Variants in ZBTB7C observed in about 807,000 individuals in gnomAD.
ZBTB7C encodes zinc finger and BTB domain containing 7C, also known as zinc finger and BTB domain-containing protein 7C.
In ZBTB7C, 8 loss-of-function variants were observed where a neutral mutation model predicts 25.7. The ratio of observed to expected loss-of-function variants is 0.31; its 90% CI spans 0.18 to 0.56. ZBTB7C has a LOEUF of 0.56. Among genes scored for constraint, ZBTB7C ranks in the 20% least tolerant of loss-of-function variants. The pLI, the probability that ZBTB7C is intolerant of heterozygous loss-of-function variation, is 0.91. For missense variants in ZBTB7C, 824 were observed against 855.2 expected (o/e 0.96, Z 0.46); for synonymous variants, 394 against 369.0 (o/e 1.07, Z -0.78).
chr18:48,365,959 G>C (rs2047213064), intron 1 of ZBTB7C, among the ~76,000 whole-genome samples: 1 of 152,162 alleles, frequency 6.6e-6, no homozygotes, highest in South Asian at 2.1e-4. Context: ...CTATTATCAG[G>C]GGGCAAGACT....
intron 2 of ZBTB7C, among the ~76,000 whole-genome samples, chr18:48,208,989 A>C (rs2042641790): frequency 1.3e-5 from 2 of 152,246 alleles, no homozygotes; most frequent in South Asian, 4.1e-4. Context: ...AATAAAGTCG[A>C]AAAAGTAACA....
At chr18:48,265,540 A>T (rs76800297) in intron 2 of ZBTB7C, among the ~76,000 whole-genome samples, 3,769 of 152,292 alleles carry the variant, frequency 0.025, 165 homozygotes, top group African/African-American at 0.086. Flanking sequence ...GAACTAAATG[A>T]CATCATGCAG....
chr18:48,107,249 G>T (rs1448278859), intron 3 of ZBTB7C, among the ~76,000 whole-genome samples: 2 of 151,642 alleles, frequency 1.3e-5, no homozygotes, highest in Non-Finnish European at 2.9e-5. Flanking sequence ...GGTTAGGAAG[G>T]TTCAGGAGGA....
At chr18:48,094,618 T>A (rs1292294060) in intron 3 of ZBTB7C, among the ~76,000 whole-genome samples, 2 of 152,164 alleles carry the variant, frequency 1.3e-5, no homozygotes, top group Non-Finnish European at 2.9e-5. Context: ...AGAGGACATT[T>A]TTTTTTCTCC....
chr18:48,294,154 G>C (rs1307726378), intron 2 of ZBTB7C, among the ~76,000 whole-genome samples: 2 of 152,250 alleles, frequency 1.3e-5, no homozygotes, highest in Non-Finnish European at 2.9e-5. Context: ...CATTAGCAGA[G>C]GCTTGGAGAG....
chr18:48,092,860 T>C (rs996780621), intron 3 of ZBTB7C, among the ~76,000 whole-genome samples: 10 of 152,234 alleles, frequency 6.6e-5, no homozygotes, highest in African/African-American at 2.4e-4. Flanking sequence ...TGATTAACTC[T>C]AGGTTTTTAT....
intron 2 of ZBTB7C, among the ~76,000 whole-genome samples, chr18:48,197,295 T>C (rs1054900639): frequency 1.3e-5 from 2 of 152,170 alleles, no homozygotes; most frequent in African/African-American, 4.8e-5. Context: ...CCTAAGTCAA[T>C]AAATTACTTT....
intron 4 of ZBTB7C, among the ~76,000 whole-genome samples, chr18:48,034,661 G>T (rs2035897879): frequency 6.6e-6 from 1 of 152,148 alleles, no homozygotes; most frequent in Admixed American, 6.5e-5. Context: ...TGCGCGTTTG[G>T]TGACTGACTA....
intron 4 of ZBTB7C, among the ~76,000 whole-genome samples, chr18:48,037,911 T>C (rs1391046420): frequency 6.6e-6 from 1 of 152,242 alleles, no homozygotes; most frequent in Non-Finnish European, 1.5e-5. Context: ...ACTCTCGGGC[T>C]GAAGCCAGGC....
At chr18:48,393,048 G>T (rs553994360) in intron 1 of ZBTB7C, among the ~76,000 whole-genome samples, 1 of 152,216 alleles carries the variant, frequency 6.6e-6, no homozygotes, top group Admixed American at 6.5e-5. Flanking sequence ...GTGAGAACTG[G>T]AAGTGGTTTT....
At chr18:48,340,515 T>C (rs1405623194) in intron 1 of ZBTB7C, among the ~76,000 whole-genome samples, 1 of 152,206 alleles carries the variant, frequency 6.6e-6, no homozygotes, top group Non-Finnish European at 1.5e-5. Flanking sequence ...CCCTGCTATG[T>C]GCAGAAGATG....
At chr18:48,242,988 G>T (rs1204221836) in intron 2 of ZBTB7C, among the ~76,000 whole-genome samples, 1 of 152,012 alleles carries the variant, frequency 6.6e-6, no homozygotes, top group Admixed American at 6.6e-5. Flanking sequence ...ATCTGGCTGG[G>T]TGTGGTGGCT....
chr18:48,241,772 C>T (rs1392812087), intron 2 of ZBTB7C, among the ~76,000 whole-genome samples: 6 of 152,060 alleles, frequency 3.9e-5, no homozygotes, highest in Non-Finnish European at 8.8e-5. Context: ...CACAAATCGA[C>T]AATCTAAAGT....
intron 2 of ZBTB7C, among the ~76,000 whole-genome samples, chr18:48,285,159 ACTTGTATTGTTTGAAC>A (rs950840722): frequency 6.6e-6 from 1 of 152,304 alleles, no homozygotes. Flanking sequence ...CATGCTTGTT[ACTTGTATTGTTTGAAC>A]CTTTTATAGT....
intron 1 of ZBTB7C, among the ~76,000 whole-genome samples, chr18:48,378,932 A>G (rs2047579597): frequency 6.6e-6 from 1 of 152,218 alleles, no homozygotes; most frequent in Non-Finnish European, 1.5e-5. Context: ...AGAGGCTAAT[A>G]TAAGTGTTCT....
chr18:48,159,243 G>A (rs1444479374), intron 3 of ZBTB7C, among the ~76,000 whole-genome samples: 1 of 152,046 alleles, frequency 6.6e-6, no homozygotes, highest in Non-Finnish European at 1.5e-5. Flanking sequence ...TAAGCACACC[G>A]ATCCTAGAGT....
At chr18:48,200,860 C>G (rs2042427674) in intron 2 of ZBTB7C, among the ~76,000 whole-genome samples, 1 of 152,208 alleles carries the variant, frequency 6.6e-6, no homozygotes, top group Non-Finnish European at 1.5e-5. Context: ...GCCCAGGTCC[C>G]CACCTGCCTC....
rs1415037330 is a variant in ZBTB7C, at chr18:48,270,519, C to A, written c.-79+67655G>T. ...GACCATCCTGGCTAACACGGTGAAACCCCGCTAAAAAATACAAAAAATTAG... is the reference window on the plus strand; with the variant it reads ...GACCATCCTGGCTAACACGGTGAAAACCCGCTAAAAAATACAAAAAATTAG... On this transcript the variant is annotated intron_variant, in intron 2 of 4. Coordinates refer to ENST00000590800, the MANE Select transcript of ZBTB7C (RefSeq NM_001318841.2). Among the ~76,000 whole-genome samples the A allele has an allele frequency of 2.0e-5, 3 of 150,362 alleles. No individual in the cohort carries two copies. In the East Asian group the frequency reaches 6.0e-4, roughly 30 times the overall value.
Position 48,394,326 on chromosome 18 carries a change from G to A in ZBTB7C, c.-304+14900C>T, listed in dbSNP as rs368124059. Among the ~76,000 whole-genome samples the A allele has an allele frequency of 3.3e-4, 50 of 152,236 alleles. 1 individual carries two copies. The South Asian group carries it at 9.8e-3, about 30-fold the overall frequency. On this transcript the variant is annotated intron_variant, in intron 1 of 4. Coordinates refer to ENST00000590800, the MANE Select transcript of ZBTB7C (RefSeq NM_001318841.2). ...ATTAGAGGGGGCGGTGTCAGTAGCC[G>A]GGTTTTCTAGTGATACTAGCTTGAA...
Sources: gnomAD v4.1 joint callset for allele counts (sites outside exome capture counted in the v4.1 genomes callset) on GRCh38, gnomAD v4.1.1 for gene constraint, MANE v1.5 for transcripts, NCBI Gene and HGNC (gene_info 2026-07-23, HGNC 2026-07-21) for gene names.